COMMD1: variants seen among roughly 807,000 people sequenced by gnomAD.
COMMD1 encodes the protein copper metabolism domain containing 1.
COMMD1 carries 10 observed loss-of-function variants against 17.2 expected under a neutral mutation model. That is an observed-to-expected ratio of 0.58 (90% CI 0.36 to 0.99). The LOEUF (loss-of-function observed/expected upper bound fraction) is 0.99, where lower values mean the gene tolerates loss of function less well. Ranked by LOEUF, COMMD1 falls within the 50% of genes least tolerant of loss-of-function variation. The probability of loss-of-function intolerance (pLI) is 0.01; values close to 1 mark genes in which losing one functional copy is unlikely to be tolerated. For synonymous variants in COMMD1, 97 were observed against 91.6 expected, an observed-to-expected ratio of 1.06 and a Z score of -0.34; for missense variants, 270 against 231.8, an observed-to-expected ratio of 1.17 and a Z score of -1.07.
At chr2:61,917,895 TAGAA>T (rs1670090784) in intron 1 of COMMD1, among the ~76,000 whole-genome samples, 1 of 152,258 alleles carries the variant, frequency 6.6e-6, no homozygotes, top group African/African-American at 2.4e-5. Context: ...ATAATGGATG[TAGAA>T]TATATAGTCT....
At chr2:61,934,306 T>A (rs1258425130) in intron 1 of COMMD1, among the ~76,000 whole-genome samples, 3 of 152,182 alleles carry the variant, frequency 2.0e-5, no homozygotes, top group Admixed American at 1.3e-4. Context: ...CCATGGGATG[T>A]CCACAGTAAA....
intron 2 of COMMD1, among the ~76,000 whole-genome samples, chr2:62,059,779 CTT>C (rs1670807600): frequency 6.6e-6 from 1 of 152,140 alleles, no homozygotes; most frequent in Non-Finnish European, 1.5e-5. Flanking sequence ...TCCAACCTGT[CTT>C]TGTATTTGAA....
At chr2:61,934,060 C>T (rs561325222) in intron 1 of COMMD1, among the ~76,000 whole-genome samples, 103 of 152,248 alleles carry the variant, frequency 6.8e-4, no homozygotes, top group African/African-American at 2.4e-3. Context: ...CCACTACGCC[C>T]GGCCTTTCTT....
chr2:61,955,312 TTC>T (rs70946770), intron 1 of COMMD1, among the ~76,000 whole-genome samples: 452 of 144,438 alleles, frequency 3.1e-3, no homozygotes, highest in East Asian at 3.7e-3. Flanking sequence ...CTCTCTCTCT[TTC>T]TCTCTCTCTC....
At chr2:62,100,831 T>G (rs1672159157) in intron 2 of COMMD1, among the ~76,000 whole-genome samples, 1 of 152,188 alleles carries the variant, frequency 6.6e-6, no homozygotes, top group Admixed American at 6.5e-5. Context: ...AAGAAAAAGA[T>G]CTAGCTATGT....
intron 1 of COMMD1, among the ~76,000 whole-genome samples, chr2:61,951,752 C>A (rs981376909): frequency 6.6e-6 from 1 of 152,076 alleles, no homozygotes; most frequent in Admixed American, 6.6e-5. Flanking sequence ...TCTATCACTC[C>A]CAAAAATTTC....
chr2:62,113,885 A>C (rs1435063883), intron 2 of COMMD1, among the ~76,000 whole-genome samples: 1 of 152,188 alleles, frequency 6.6e-6, no homozygotes, highest in Non-Finnish European at 1.5e-5. Flanking sequence ...TTTACTCTTC[A>C]TTGATGAAGA....
chr2:61,983,212 T>C (rs1573030343), intron 1 of COMMD1, among the ~76,000 whole-genome samples: 2 of 149,594 alleles, frequency 1.3e-5, no homozygotes, highest in Middle Eastern at 3.5e-3. Context: ...TTTTTTGAGA[T>C]GGAGTCTCCC....
At chr2:61,959,535 C>A (rs1176559247) in intron 1 of COMMD1, among the ~76,000 whole-genome samples, 1 of 152,148 alleles carries the variant, frequency 6.6e-6, no homozygotes, top group East Asian at 1.9e-4. Flanking sequence ...CTAGATATTT[C>A]CCCATTTTAC....
In COMMD1 at chr2:62,002,488, C is replaced by G. The variant is rs548552940; in HGVS notation, c.462+1506C>G. On this transcript the variant is annotated intron_variant, in intron 2 of 2. Transcript: ENST00000311832. ...CCTGGGTGACAAGAGCGAGATTCCACCAGAAAAAAAAAAAAAAAAAAAAAA... is the reference window on the plus strand; with the variant it reads ...CCTGGGTGACAAGAGCGAGATTCCAGCAGAAAAAAAAAAAAAAAAAAAAAA... Among the ~76,000 whole-genome samples, 194 of 54,990 alleles carry G rather than the reference C, an allele frequency of 3.5e-3. 2 individuals are homozygous for G. The highest frequency in any genetic ancestry group is 0.014 in the African/African-American group (182 of 12,640). 36.1% of individuals were successfully genotyped at this position (54,990 alleles called of 152,430 possible). A position where few individuals can be genotyped will look rare whatever the true frequency, so the allele number is the denominator to read the frequency against.
chr2:61,962,596 A>G (rs1411274119), intron 1 of COMMD1, among the ~76,000 whole-genome samples: 3 of 152,184 alleles, frequency 2.0e-5, no homozygotes, highest in African/African-American at 7.2e-5. Flanking sequence ...TTATTCAATC[A>G]TTCATACCTA....
chr2:61,888,595 A>G, upstream of COMMD1: 2 of 1,456,392 alleles, frequency 1.4e-6, no homozygotes, highest in Non-Finnish European at 1.8e-6. Flanking sequence ...GTAAGCCCTC[A>G]CTGCCTTCAC....
chr2:62,132,493 A>G (rs1673067905), intron 2 of COMMD1, among the ~76,000 whole-genome samples: 1 of 152,174 alleles, frequency 6.6e-6, no homozygotes. Flanking sequence ...CTTAATATAT[A>G]TGTTAGTTAC....
chr2:62,069,106 T>A (rs1367211917), intron 2 of COMMD1, among the ~76,000 whole-genome samples: 2 of 152,224 alleles, frequency 1.3e-5, no homozygotes, highest in African/African-American at 2.4e-5. Context: ...GCAGATATTT[T>A]ATATTCTGGT....
At chr2:62,130,115 C>G (rs1433924034) in intron 2 of COMMD1, among the ~76,000 whole-genome samples, 1 of 140,928 alleles carries the variant, frequency 7.1e-6, no homozygotes, top group Non-Finnish European at 1.5e-5. Flanking sequence ...GCGGAGCTTG[C>G]AATGAGCCGA....
At chr2:61,923,486 T>C (rs1670248641) in intron 1 of COMMD1, among the ~76,000 whole-genome samples, 1 of 152,020 alleles carries the variant, frequency 6.6e-6, no homozygotes, top group Admixed American at 6.6e-5. Flanking sequence ...TAACAGTTAC[T>C]AGAATATAAC....
chr2:62,098,889 A>G (rs1404687420), intron 2 of COMMD1, among the ~76,000 whole-genome samples: 1 of 152,192 alleles, frequency 6.6e-6, no homozygotes, highest in Admixed American at 6.5e-5. Flanking sequence ...AGAACCCTGG[A>G]TCATAAGTCT....
At chr2:62,078,968 A>G (rs1270607219) in intron 2 of COMMD1, among the ~76,000 whole-genome samples, 1 of 152,138 alleles carries the variant, frequency 6.6e-6, no homozygotes, top group Non-Finnish European at 1.5e-5. Context: ...ATAGGTTGTA[A>G]AATGTTTCTT....
At chr2:61,970,822 C>G (rs563094141) in intron 1 of COMMD1, among the ~76,000 whole-genome samples, 1 of 152,178 alleles carries the variant, frequency 6.6e-6, no homozygotes, top group South Asian at 2.1e-4. Context: ...AATATTTTAT[C>G]TAGTTTGTTA....
Sources: allele counts gnomAD v4.1 joint callset (sites outside exome capture counted in the v4.1 genomes callset), GRCh38; gene constraint gnomAD v4.1.1; transcripts MANE v1.5; gene names NCBI Gene and HGNC (gene_info 2026-07-23, HGNC 2026-07-21).